PDZD2: variants seen among roughly 807,000 people sequenced by gnomAD.
PDZD2 encodes PDZ domain containing 2, also known as PDZ domain-containing protein 2.
PDZD2 carries 90 observed loss-of-function variants against 220.7 expected under a neutral mutation model. The observed-to-expected ratio is 0.41, with a 90% CI of 0.34 to 0.49. The LOEUF is 0.49. PDZD2 is among the 20% of genes least tolerant of loss of function. The pLI, the probability that PDZD2 is intolerant of heterozygous loss-of-function variation, is 0.28. For missense variants in PDZD2, 3,174 were observed against 3,608.5 expected (o/e 0.88, Z 3.08); for synonymous variants, 1,375 against 1,450.5 (o/e 0.95, Z 1.18).
At chr5:32,061,959 A>G (rs745917574) in intron 14 of PDZD2, among the ~76,000 whole-genome samples, 24 of 152,152 alleles carry the variant, frequency 1.6e-4, no homozygotes, top group Admixed American at 2.6e-4. Flanking sequence ...TTAAATAGAG[A>G]TGGGGTCTTG....
intron 1 of PDZD2, among the ~76,000 whole-genome samples, chr5:31,718,486 C>G (rs1353634360): frequency 6.6e-6 from 1 of 152,160 alleles, no homozygotes; most frequent in Non-Finnish European, 1.5e-5. Context: ...CATTTATTAT[C>G]CCACAGTTCT....
intron 1 of PDZD2, among the ~76,000 whole-genome samples, chr5:31,714,600 C>T (rs764696747): frequency 6.6e-6 from 1 of 152,094 alleles, no homozygotes; most frequent in Non-Finnish European, 1.5e-5. Flanking sequence ...TTATCCGGTG[C>T]TTATAATCCC....
intron 2 of PDZD2, among the ~76,000 whole-genome samples, chr5:31,887,490 AAGC>A (rs1740616825): frequency 6.6e-6 from 1 of 152,120 alleles, no homozygotes; most frequent in Non-Finnish European, 1.5e-5. Context: ...GAGATGGAGA[AAGC>A]AGTGTTGAGG....
rs903371674 is a variant in PDZD2 at position 31,693,520 on chromosome 5, G to T, written c.-361+54083G>T. ...CTTCCAAAGTGCTGGGATTATAGGCGTGAGCTACCGCGCCTGGCCGAAAAG... is the reference window on the plus strand; with the variant it reads ...CTTCCAAAGTGCTGGGATTATAGGCTTGAGCTACCGCGCCTGGCCGAAAAG... On this transcript the variant is annotated intron_variant, in intron 1 of 24. Transcript: ENST00000438447. Among the ~76,000 whole-genome samples the T allele has an allele frequency of 1.3e-5, 2 of 151,934 alleles. 1 individual carries two copies. The highest frequency in any genetic ancestry group is 4.2e-4 in the South Asian group (2 of 4,794).
intron 2 of PDZD2, chr5:31,936,149 T>G: frequency 1.0e-6 from 1 of 983,776 alleles, no homozygotes; most frequent in Non-Finnish European, 1.2e-6. Flanking sequence ...GCTCCTCAGC[T>G]CCACAGAGCA....
At chr5:31,959,549 A>G (rs1748025524) in intron 2 of PDZD2, among the ~76,000 whole-genome samples, 1 of 151,734 alleles carries the variant, frequency 6.6e-6, no homozygotes, top group Admixed American at 6.6e-5. Context: ...AGTAGAGACA[A>G]GGTTTCACCA....
At chr5:31,778,854 G>GA (rs1377888321) in intron 1 of PDZD2, among the ~76,000 whole-genome samples, 2 of 152,100 alleles carry the variant, frequency 1.3e-5, no homozygotes, top group African/African-American at 2.4e-5. Flanking sequence ...ATTTAAAGGT[G>GA]AAAAACCACT....
intron 1 of PDZD2, among the ~76,000 whole-genome samples, chr5:31,670,585 T>A (rs1206832460): frequency 2.0e-5 from 3 of 152,030 alleles, no homozygotes; most frequent in Non-Finnish European, 4.4e-5. Flanking sequence ...CCCGGCTAAT[T>A]TTTTAAATGT....
chr5:31,956,758 C>CAAAAAAA (rs70957986), intron 2 of PDZD2, among the ~76,000 whole-genome samples: 1 of 73,702 alleles, frequency 1.4e-5, no homozygotes, highest in Non-Finnish European at 2.4e-5. Flanking sequence ...GACTCCATCT[C>CAAAAAAA]AAAAAAAAAA....
At chr5:32,034,877 G>A (rs1233235636) in intron 6 of PDZD2, among the ~76,000 whole-genome samples, 2 of 152,112 alleles carry the variant, frequency 1.3e-5, no homozygotes, top group Admixed American at 6.5e-5. Context: ...TCAGGATTTG[G>A]GGTTGGGAAA....
rs762526404 is a variant in PDZD2 at position 32,089,239 on chromosome 5, G to A, written c.5791G>A (p.Val1931Met). The A allele has an allele frequency of 5.0e-6, 8 of 1,614,056 alleles. No individual in the cohort carries two copies. The highest frequency in any genetic ancestry group is 5.9e-6 in the Non-Finnish European group (7 of 1,180,050). Residue 1931 changes from valine (V) to methionine (M), a missense_variant, in exon 20 of 25, where the codon GTG (valine) becomes ATG (methionine). By Grantham distance (21) the Val-to-Met change is conservative (BLOSUM62 1). Transcript: ENST00000438447. ...QTSHKTLSKA[V>M]SQRLHVADHE... is the part of the protein sequence containing the mutation. ...CTCCCACAAAACACTTTCTAAGGCA[G>A]TGTCACAGCGGCTCCATGTAGCCGA...
intron 2 of PDZD2, among the ~76,000 whole-genome samples, chr5:31,848,829 C>T (rs972741802): frequency 6.6e-6 from 1 of 151,956 alleles, no homozygotes; most frequent in Non-Finnish European, 1.5e-5. Context: ...GTGGGCAGAT[C>T]ACGAGATCAG....
chr5:31,728,002 C>CAAAAA (rs11386922), intron 1 of PDZD2, among the ~76,000 whole-genome samples: 3 of 110,700 alleles, frequency 2.7e-5, no homozygotes, highest in Non-Finnish European at 3.5e-5. Context: ...GACTCTGTCT[C>CAAAAA]AAAAAAAAAA....
At chr5:32,043,553 C>T (rs1045471839) in intron 7 of PDZD2, among the ~76,000 whole-genome samples, 6 of 152,254 alleles carry the variant, frequency 3.9e-5, no homozygotes, top group African/African-American at 1.2e-4. Context: ...GCATATGGCA[C>T]TACCACTCCA....
At chr5:31,692,596 C>G (rs1747188435) in intron 1 of PDZD2, among the ~76,000 whole-genome samples, 1 of 152,254 alleles carries the variant, frequency 6.6e-6, no homozygotes, top group African/African-American at 2.4e-5. Flanking sequence ...CTCTGACATC[C>G]TCATGACCTT....
At position 32,086,973 on chromosome 5, in the gene PDZD2, G is replaced by A. The variant is rs138581713; in HGVS notation, c.3683-158G>A. On this transcript the variant is annotated intron_variant, in intron 19 of 24. Transcript: ENST00000438447. Reference sequence around the variant, plus strand: ...CAAAGTGCTGGGATTACAAGCATGCGCCACCACGCCCAGCTTTCTGAAAAA... The same window carrying A: ...CAAAGTGCTGGGATTACAAGCATGCACCACCACGCCCAGCTTTCTGAAAAA... Among the ~76,000 whole-genome samples, 201 of 150,886 alleles carry A rather than the reference G, an allele frequency of 1.3e-3. 1 individual carries two copies. The highest frequency in any genetic ancestry group is 4.8e-3 in the African/African-American group (196 of 41,062).
intron 5 of PDZD2, among the ~76,000 whole-genome samples, chr5:32,006,008 A>T (rs193112201): frequency 6.6e-6 from 1 of 152,058 alleles, no homozygotes; most frequent in Non-Finnish European, 1.5e-5. Context: ...TTAGCCAGGC[A>T]TGGTGGCGTG....
At chr5:31,806,614 T>C (rs1754727091) in intron 2 of PDZD2, among the ~76,000 whole-genome samples, 1 of 152,234 alleles carries the variant, frequency 6.6e-6, no homozygotes, top group Non-Finnish European at 1.5e-5. Context: ...AGGAAAGTTT[T>C]TGTTTGTGAG....
At chr5:31,754,400 G>T (rs1435056733) in intron 1 of PDZD2, 1 of 152,170 alleles carries the variant, frequency 6.6e-6, no homozygotes, top group East Asian at 1.9e-4. Context: ...GAATTTTCGA[G>T]GCTCTCGGTT....
Sources: gnomAD v4.1 joint callset for allele counts (sites outside exome capture counted in the v4.1 genomes callset) on GRCh38, gnomAD v4.1.1 for gene constraint, MANE v1.5 for transcripts, NCBI Gene and HGNC (gene_info 2026-07-23, HGNC 2026-07-21) for gene names.